Variants in MTHFD1L observed in about 807,000 individuals in gnomAD.
The protein encoded by MTHFD1L is methylenetetrahydrofolate dehydrogenase (NADP+ dependent) 1 like.
In MTHFD1L, 81 loss-of-function variants were observed where a neutral mutation model predicts 119.5. That is an observed-to-expected ratio of 0.68 (90% CI 0.57 to 0.82). The LOEUF (loss-of-function observed/expected upper bound fraction) is 0.82. Among genes scored for constraint, MTHFD1L ranks in the 40% least tolerant of loss-of-function variants. MTHFD1L has a pLI of 0.00. For synonymous variants in MTHFD1L, 430 were observed against 475.2 expected (o/e 0.90, Z 1.24); for missense variants, 1,125 against 1,253.4 (o/e 0.90, Z 1.55).
intron 20 of MTHFD1L, among the ~76,000 whole-genome samples, chr6:150,984,836 A>G (rs1361840397): frequency 6.6e-6 from 1 of 152,206 alleles, no homozygotes; most frequent in Non-Finnish European, 1.5e-5. Flanking sequence ...TTTTGATGCC[A>G]ATATAATTCA....
At chr6:150,982,134 G>A (rs1415999399) in intron 20 of MTHFD1L, among the ~76,000 whole-genome samples, 1 of 151,278 alleles carries the variant, frequency 6.6e-6, no homozygotes, top group African/African-American at 2.4e-5. Context: ...GAGAGAGAGA[G>A]ATAATACTTT....
chr6:150,967,738 C>A (rs1287653560), intron 19 of MTHFD1L, among the ~76,000 whole-genome samples: 1 of 151,710 alleles, frequency 6.6e-6, no homozygotes, highest in Non-Finnish European at 1.5e-5. Context: ...ATGCTCAATG[C>A]CTCCCTCCTT....
chr6:151,015,227 T>TTTTTTTG (rs1491186340), intron 23 of MTHFD1L, among the ~76,000 whole-genome samples: 1 of 142,630 alleles, frequency 7.0e-6, no homozygotes, highest in Admixed American at 6.9e-5. Context: ...TTTTTTTTTT[T>TTTTTTTG]TAATTCTACC....
At chr6:151,057,847 C>T (rs1044077942) in intron 26 of MTHFD1L, among the ~76,000 whole-genome samples, 5 of 152,162 alleles carry the variant, frequency 3.3e-5, no homozygotes, top group South Asian at 4.1e-4. Context: ...GGTGCCATCT[C>T]GGCTCACTGC....
intron 12 of MTHFD1L, among the ~76,000 whole-genome samples, chr6:150,938,232 G>A (rs1792458904): frequency 1.3e-5 from 2 of 152,072 alleles, no homozygotes; most frequent in South Asian, 2.1e-4. Context: ...TGGCCAGGCC[G>A]GTCTCGAACT....
intron 26 of MTHFD1L, among the ~76,000 whole-genome samples, chr6:151,054,485 G>C (rs6909221): frequency 0.025 from 3,801 of 152,272 alleles, 161 homozygotes; most frequent in African/African-American, 0.084. Flanking sequence ...CGAAGTGCAC[G>C]AGTCCCCTTT....
At chr6:150,884,400 A>G (rs1781880992) in intron 5 of MTHFD1L, among the ~76,000 whole-genome samples, 4 of 151,944 alleles carry the variant, frequency 2.6e-5, no homozygotes, top group Admixed American at 2.6e-4. Context: ...TCGGCCTCCC[A>G]AAGTGCTGGG....
At chr6:150,930,802 A>C (rs1217592153) in intron 11 of MTHFD1L, among the ~76,000 whole-genome samples, 1 of 152,126 alleles carries the variant, frequency 6.6e-6, no homozygotes, top group Non-Finnish European at 1.5e-5. Context: ...ATTTTTTTAA[A>C]TCTTCTATTA....
chr6:150,873,285 A>G (rs1779849775), intron 1 of MTHFD1L, among the ~76,000 whole-genome samples: 1 of 152,176 alleles, frequency 6.6e-6, no homozygotes, highest in South Asian at 2.1e-4. Flanking sequence ...ACTGCCCTCC[A>G]GCCTGGAAAC....
intron 26 of MTHFD1L, among the ~76,000 whole-genome samples, chr6:151,040,944 G>T (rs938367535): frequency 6.6e-6 from 1 of 152,184 alleles, no homozygotes; most frequent in African/African-American, 2.4e-5. Context: ...AAATGAATGT[G>T]TGGAATGGCC....
intron 18 of MTHFD1L, among the ~76,000 whole-genome samples, chr6:150,961,939 A>C (rs977595080): frequency 3.3e-5 from 5 of 152,210 alleles, no homozygotes; most frequent in Non-Finnish European, 7.3e-5. Flanking sequence ...GAACAGTTTT[A>C]AAACTTAATC....
intron 26 of MTHFD1L, among the ~76,000 whole-genome samples, chr6:151,054,002 T>A (rs1789493942): frequency 6.6e-6 from 1 of 152,214 alleles, no homozygotes; most frequent in African/African-American, 2.4e-5. Context: ...GATTTTAACT[T>A]TTAATTTTAA....
chr6:150,931,311 C>T (rs781002010), intron 11 of MTHFD1L, among the ~76,000 whole-genome samples: 4 of 146,356 alleles, frequency 2.7e-5, no homozygotes, highest in African/African-American at 7.6e-5. Context: ...GCCAAATACC[C>T]GATTGGATTT....
intron 21 of MTHFD1L, among the ~76,000 whole-genome samples, chr6:151,012,882 T>C (rs1275853683): frequency 6.6e-6 from 1 of 152,178 alleles, no homozygotes; most frequent in Admixed American, 6.5e-5. Context: ...TCTCCTGCTC[T>C]CAGGGGAGGC....
chr6:151,059,943 A>G (rs1790432328), intron 26 of MTHFD1L, among the ~76,000 whole-genome samples: 2 of 152,158 alleles, frequency 1.3e-5, no homozygotes, highest in Admixed American at 6.5e-5. Flanking sequence ...TAGGGCGGGT[A>G]CAAGAGAGAC....
At chr6:150,982,371 A>G (rs1165626724) in intron 20 of MTHFD1L, among the ~76,000 whole-genome samples, 2 of 152,176 alleles carry the variant, frequency 1.3e-5, no homozygotes, top group African/African-American at 4.8e-5. Flanking sequence ...ACTGTGATCC[A>G]AAAAGCCTCA....
At chr6:150,918,803 GTGAAGAAATGGTGATTT>G in intron 9 of MTHFD1L, 135 bp downstream of exon 9, 1 of 685,900 alleles carries the variant, frequency 1.5e-6, no homozygotes, top group East Asian at 2.7e-5. Flanking sequence ...CATTTGATAA[GTGAAGAAATGGTGATTT>G]TGAAAAATGA....
chr6:150,912,522 A>G (rs1787095027), intron 8 of MTHFD1L: 1 of 272,580 alleles, frequency 3.7e-6, no homozygotes. Context: ...TGAAGGCTGA[A>G]GAATTTTCCT....
At chr6:151,062,669 T>G (rs1790780076) in intron 26 of MTHFD1L, among the ~76,000 whole-genome samples, 1 of 152,072 alleles carries the variant, frequency 6.6e-6, no homozygotes. Context: ...GAAATGAAAA[T>G]AAATCAAACT....
Sources: gnomAD v4.1 joint callset for allele counts (sites outside exome capture counted in the v4.1 genomes callset) on GRCh38, gnomAD v4.1.1 for gene constraint, MANE v1.5 for transcripts, NCBI Gene and HGNC (gene_info 2026-07-23, HGNC 2026-07-21) for gene names.